The following LRRC56 variants were observed in gnomAD, a reference collection of about 807,000 sequenced individuals.
LRRC56 encodes leucine rich repeat containing 56.
LRRC56 carries 41 observed loss-of-function variants against 47.8 expected under a neutral mutation model. The ratio of observed to expected loss-of-function variants is 0.86; its 90% CI spans 0.67 to 1.11. The LOEUF (loss-of-function observed/expected upper bound fraction) is 1.11. Ranked by LOEUF, LRRC56 falls within the 50% of genes most tolerant of loss-of-function variation. The probability of loss-of-function intolerance (pLI) is 0.00; values close to 1 mark genes in which losing one functional copy is unlikely to be tolerated. For synonymous variants in LRRC56, 387 were observed against 311.2 expected, an observed-to-expected ratio of 1.24 and a Z score of -2.56; for missense variants, 759 against 704.2, an observed-to-expected ratio of 1.08 and a Z score of -0.88.
intron 6 of LRRC56, among the ~76,000 whole-genome samples, chr11:547,422 C>T (rs936032743): frequency 3.3e-5 from 5 of 151,580 alleles, no homozygotes; most frequent in African/African-American, 7.3e-5. Context: ...GGCGCAATCT[C>T]GGCTCACTGC....
intron 6 of LRRC56, 43 bp from the exon 7 acceptor site, chr11:549,859 C>T (rs1271047672): frequency 1.3e-6 from 2 of 1,562,434 alleles, no homozygotes; most frequent in East Asian, 4.5e-5. Context: ...TGGCTGAGCA[C>T]AGGGCTGGGC....
At chr11:534,488 GC>G (rs1271535633), upstream of LRRC56, 3 of 625,898 alleles carry the variant, frequency 4.8e-6, no homozygotes, top group Non-Finnish European at 2.8e-6. Context: ...GGGCCCCAAC[GC>G]CAGGCAGCAA....
the LRRC56 span, among the ~76,000 whole-genome samples, chr11:513,820 CAAAAA>C: frequency 1.0e-5 from 1 of 96,216 alleles, no homozygotes. Flanking sequence ...AACTCCATCT[CAAAAA>C]AAAAAAAAAA....
chr11:534,074 T>C (rs1851300240), upstream of LRRC56: 1 of 1,180,608 alleles, frequency 8.5e-7, no homozygotes, highest in Admixed American at 1.8e-5. Flanking sequence ...GACGAGGGAC[T>C]CCCCTCCTCT....
At chr11:515,582 A>T in the LRRC56 span, among the ~76,000 whole-genome samples, 1 of 152,246 alleles carries the variant, frequency 6.6e-6, no homozygotes, top group Non-Finnish European at 1.5e-5. Flanking sequence ...TCACACCTGT[A>T]ATCCTGGCAC....
the LRRC56 span, chr11:532,275 C>T: frequency 2.2e-6 from 1 of 453,688 alleles, no homozygotes; most frequent in Non-Finnish European, 4.1e-6. Context: ...GTGATCCCAT[C>T]TGTGCCCGAC....
At chr11:528,734 AACAC>A in the LRRC56 span, 8 of 152,264 alleles carry the variant, frequency 5.3e-5, no homozygotes, top group South Asian at 4.1e-4. Flanking sequence ...CTGGAGAAGA[AACAC>A]ACACACGCAC....
the LRRC56 span, chr11:532,430 C>CCCTT: frequency 1.3e-5 from 9 of 713,766 alleles, no homozygotes; most frequent in Non-Finnish European, 1.9e-5. Context: ...GCTCCAGCAG[C>CCCTT]CCTTCCTTCC....
At chr11:532,860 A>G, upstream of LRRC56, 1 of 1,145,332 alleles carries the variant, frequency 8.7e-7, no homozygotes, top group Non-Finnish European at 1.3e-6. Flanking sequence ...GAAGCTCCCG[A>G]CTCCACCAGC....
At chr11:516,053 G>A in the LRRC56 span, among the ~76,000 whole-genome samples, 1 of 152,078 alleles carries the variant, frequency 6.6e-6, no homozygotes, top group Non-Finnish European at 1.5e-5. Flanking sequence ...TGATCTATTT[G>A]TCTATCCTGT....
chr11:507,594 G>T, the LRRC56 span, among the ~76,000 whole-genome samples: 3 of 152,168 alleles, frequency 2.0e-5, no homozygotes, highest in Non-Finnish European at 4.4e-5. Context: ...AGCGCCTTGG[G>T]GGCGGAATCG....
At chr11:518,979 G>C in the LRRC56 span, among the ~76,000 whole-genome samples, 8 of 151,616 alleles carry the variant, frequency 5.3e-5, no homozygotes, top group African/African-American at 1.5e-4. Flanking sequence ...CCCAAGACGC[G>C]GCGCGCTTAC....
upstream of LRRC56, chr11:533,661 G>A (rs375771499): frequency 2.0e-5 from 32 of 1,612,306 alleles, no homozygotes; most frequent in African/African-American, 3.6e-4. Context: ...AGGCGCAGCG[G>A]CATCCAGGAC....
At chr11:508,566 A>G in the LRRC56 span, among the ~76,000 whole-genome samples, 1 of 152,106 alleles carries the variant, frequency 6.6e-6, no homozygotes, top group African/African-American at 2.4e-5. Context: ...CAGGAGTTCA[A>G]GACCAGCCTG....
chr11:518,900 G>A, the LRRC56 span, among the ~76,000 whole-genome samples: 206 of 130,906 alleles, frequency 1.6e-3, no homozygotes, highest in Non-Finnish European at 2.8e-3. Context: ...GAGGGACCGG[G>A]GCGGGGGGGC....
chr11:550,286 G>T lies in LRRC56; in HGVS notation c.624+14G>T. The T allele has an allele frequency of 6.5e-7, 1 of 1,531,906 alleles. No individual in the cohort carries two copies. 94.9% of individuals were successfully genotyped at this position (1,531,906 alleles called of 1,614,324 possible). On this transcript the variant is annotated intron_variant, in intron 8 of 13. Coordinates refer to ENST00000270115, the MANE Select transcript of LRRC56 (RefSeq NM_198075.4). ...CCCACCAACAAGGTGCGTGTCCCGG[G>T]CACCCGGCCAGCATGTGCATGGCCA...
the LRRC56 span, among the ~76,000 whole-genome samples, chr11:518,815 G>C: frequency 7.9e-5 from 12 of 152,180 alleles, no homozygotes; most frequent in East Asian, 2.1e-3. Flanking sequence ...GGATGTGGCC[G>C]GCGGCGCGCG....
chr11:513,378 C>T, the LRRC56 span, among the ~76,000 whole-genome samples: 331 of 152,278 alleles, frequency 2.2e-3, 2 homozygotes, highest in African/African-American at 7.5e-3. Flanking sequence ...TCCCGAACTC[C>T]TGGCCTCAAG....
At chr11:529,788 C>T in the LRRC56 span, 1 of 152,428 alleles carries the variant, frequency 6.6e-6, no homozygotes, top group African/African-American at 2.4e-5. Context: ...TAACCCCAGG[C>T]ATCAAGACCC....
Sources: gnomAD v4.1 joint callset for allele counts (sites outside exome capture counted in the v4.1 genomes callset) on GRCh38, gnomAD v4.1.1 for gene constraint, MANE v1.5 for transcripts, NCBI Gene and HGNC (gene_info 2026-07-23, HGNC 2026-07-21) for gene names.